The following ATE1 variants were observed in gnomAD, a reference collection of about 807,000 sequenced individuals.
The protein encoded by ATE1 is arginyltransferase 1, also known as arginyl-tRNA--protein transferase 1.
Under a neutral mutation model 70.5 loss-of-function variants are expected in ATE1, and 36 were observed. The ratio of observed to expected loss-of-function variants is 0.51; its 90% confidence interval spans 0.39 to 0.67. The LOEUF (loss-of-function observed/expected upper bound fraction) is 0.67. ATE1 is among the 30% of genes least tolerant of loss of function. ATE1 has a pLI of 0.00. For synonymous variants in ATE1, 232 were observed against 219.3 expected (o/e 1.06, Z -0.51); for missense variants, 593 against 629.5 (o/e 0.94, Z 0.62).
intron 10 of ATE1, among the ~76,000 whole-genome samples, chr10:121,792,720 T>G (rs113793136): frequency 0.049 from 7,443 of 152,276 alleles, 258 homozygotes; most frequent in Non-Finnish European, 0.072. Context: ...ATCAGAAAAC[T>G]AGACAGCATC....
At chr10:121,879,440 T>C (rs1161996326) in intron 7 of ATE1, among the ~76,000 whole-genome samples, 1 of 152,202 alleles carries the variant, frequency 6.6e-6, no homozygotes, top group Non-Finnish European at 1.5e-5. Flanking sequence ...ATTATTTATC[T>C]TCCTCTCTAA....
intron 7 of ATE1, among the ~76,000 whole-genome samples, chr10:121,884,102 A>G (rs1283489647): frequency 1.4e-5 from 1 of 72,764 alleles, no homozygotes; most frequent in Non-Finnish European, 2.7e-5. Flanking sequence ...TGAGACCCAG[A>G]CTCAAAAAAA....
chr10:121,928,229 T>C (rs1432899785), upstream of ATE1: 1 of 1,362,652 alleles, frequency 7.3e-7, no homozygotes, highest in Non-Finnish European at 9.6e-7. Flanking sequence ...GGAAACAGGA[T>C]GGGGAGAGTC....
chr10:121,755,924 C>T (rs1944781254), intron 11 of ATE1, among the ~76,000 whole-genome samples: 1 of 152,176 alleles, frequency 6.6e-6, no homozygotes, highest in East Asian at 1.9e-4. Context: ...TTCACATTTT[C>T]AAACCAATTA....
chr10:121,800,337 G>T (rs1283671965), intron 10 of ATE1, among the ~76,000 whole-genome samples: 1 of 152,058 alleles, frequency 6.6e-6, no homozygotes, highest in Non-Finnish European at 1.5e-5. Flanking sequence ...GAAACATCTG[G>T]GGATGGGCTT....
intron 11 of ATE1, chr10:121,782,781 T>G (rs1462808762): frequency 6.6e-6 from 1 of 152,196 alleles, no homozygotes; most frequent in Non-Finnish European, 1.5e-5. Context: ...TCTAATCAGC[T>G]GCCAGTGCAG....
At chr10:121,790,946 A>ATG (rs1358317145) in intron 10 of ATE1, among the ~76,000 whole-genome samples, 44 of 16,058 alleles carry the variant, frequency 2.7e-3, no homozygotes, top group African/African-American at 4.9e-3. Flanking sequence ...GTGTACATAT[A>ATG]TATGTGTATA....
intron 10 of ATE1, among the ~76,000 whole-genome samples, chr10:121,826,936 A>T (rs1948043455): frequency 6.6e-6 from 1 of 152,164 alleles, no homozygotes; most frequent in Non-Finnish European, 1.5e-5. Context: ...GCTGCAAAGT[A>T]CATAATTTCA....
rs1023094206 is a variant in ATE1, at chr10:121,741,513, G to A, written c.*2167C>T. The A allele has an allele frequency of 5.9e-5, 9 of 152,120 alleles. No homozygotes were observed. Among genetic ancestry groups the A allele is most frequent in the African/African-American group, 2.2e-4 (9 of 41,396 alleles). 9.4% of individuals were successfully genotyped at this position (152,120 alleles called of 1,614,324 possible). On this transcript the variant is annotated 3_prime_UTR_variant, in exon 12 of 12. Coordinates refer to ENST00000224652, the MANE Select transcript of ATE1 (RefSeq NM_001001976.3). ...TTCTGCAGGAAGAAACCAGAGTTGTGGTAAGATGTTGGAGTCAAGTTTTCT... is the reference window on the plus strand; with the variant it reads ...TTCTGCAGGAAGAAACCAGAGTTGTAGTAAGATGTTGGAGTCAAGTTTTCT...
intron 10 of ATE1, 35 bp downstream of exon 10, chr10:121,836,683 T>C (rs772576992): frequency 2.3e-6 from 3 of 1,308,114 alleles, no homozygotes; most frequent in Non-Finnish European, 3.2e-6. Context: ...CATTTTTCTA[T>C]AATAAAAATA....
In ATE1 at chr10:121,779,938, C is replaced by T. The variant is rs114810190; in HGVS notation, c.1378+10231G>A. On this transcript the variant is annotated intron_variant, in intron 11 of 11. Transcript: ENST00000224652. Reference sequence around the variant, plus strand: ...GCTTCCTGTGGCTTTCTTGATCCCACACTCTGGGCTTCCTCTTCCCTCTCT... The same window carrying T: ...GCTTCCTGTGGCTTTCTTGATCCCATACTCTGGGCTTCCTCTTCCCTCTCT... Among the ~76,000 whole-genome samples, 1,175 of 152,296 alleles carry T rather than the reference C, an allele frequency of 7.7e-3. 13 individuals carry two copies. The highest frequency in any genetic ancestry group is 0.027 in the African/African-American group (1,135 of 41,544).
intron 10 of ATE1, among the ~76,000 whole-genome samples, chr10:121,820,786 T>C (rs939792392): frequency 2.6e-5 from 4 of 152,238 alleles, no homozygotes; most frequent in African/African-American, 9.6e-5. Context: ...TAAACTGATA[T>C]ATGCATGGCA....
chr10:121,845,722 T>C (rs540256092), intron 8 of ATE1, among the ~76,000 whole-genome samples: 3 of 152,226 alleles, frequency 2.0e-5, no homozygotes, highest in African/African-American at 7.2e-5. Flanking sequence ...AAGAATCAGG[T>C]TTCTTACAGT....
At chr10:121,770,364 T>C (rs1945460712) in intron 11 of ATE1, among the ~76,000 whole-genome samples, 1 of 151,974 alleles carries the variant, frequency 6.6e-6, no homozygotes, top group Non-Finnish European at 1.5e-5. Context: ...ATATTTTTAC[T>C]AGGCTATATC....
intron 5 of ATE1, among the ~76,000 whole-genome samples, chr10:121,903,342 A>C (rs1951062102): frequency 6.6e-6 from 1 of 152,134 alleles, no homozygotes; most frequent in Non-Finnish European, 1.5e-5. Flanking sequence ...TGGTAACATA[A>C]ATACTTAGGA....
intron 11 of ATE1, among the ~76,000 whole-genome samples, chr10:121,746,864 T>A (rs1944393461): frequency 6.6e-6 from 1 of 152,182 alleles, no homozygotes; most frequent in South Asian, 2.1e-4. Context: ...GTGACAGGCA[T>A]AACACTCTTC....
chr10:121,873,555 A>ACCT (rs1564915685), intron 7 of ATE1, among the ~76,000 whole-genome samples: 1 of 152,002 alleles, frequency 6.6e-6, no homozygotes, highest in African/African-American at 2.4e-5. Context: ...TTGTAGTTAG[A>ACCT]CCTCCTATTA....
chr10:121,804,514 T>C (rs1947016983), intron 10 of ATE1, among the ~76,000 whole-genome samples: 2 of 152,170 alleles, frequency 1.3e-5, no homozygotes, highest in Non-Finnish European at 2.9e-5. Flanking sequence ...GGGAAAAGTA[T>C]AATTTTGACA....
intron 8 of ATE1, among the ~76,000 whole-genome samples, chr10:121,852,515 A>C (rs973861279): frequency 6.6e-6 from 1 of 152,134 alleles, no homozygotes; most frequent in African/African-American, 2.4e-5. Context: ...GTTTGAGACC[A>C]GCCTGGCCAA....
Sources: gnomAD v4.1 joint callset for allele counts (sites outside exome capture counted in the v4.1 genomes callset) on GRCh38, gnomAD v4.1.1 for gene constraint, MANE v1.5 for transcripts, NCBI Gene and HGNC (gene_info 2026-07-23, HGNC 2026-07-21) for gene names.